The following ARHGAP26 variants were observed in gnomAD, a reference collection of about 807,000 sequenced individuals.
ARHGAP26 encodes rho GTPase-activating protein 26.
In ARHGAP26, 38 loss-of-function variants were observed where a neutral mutation model predicts 104.8. The ratio of observed to expected loss-of-function variants is 0.36; its 90% CI spans 0.28 to 0.48. ARHGAP26 has a LOEUF of 0.48. Ranked by LOEUF, ARHGAP26 falls within the 20% of genes least tolerant of loss-of-function variation. The pLI, the probability that ARHGAP26 is intolerant of heterozygous loss-of-function variation, is 0.99. For synonymous variants in ARHGAP26, 341 were observed against 340.0 expected, an observed-to-expected ratio of 1.00 and a Z score of -0.03; for missense variants, 704 against 947.9, an observed-to-expected ratio of 0.74 and a Z score of 3.38.
chr5:143,130,247 A>T (rs1223385921), intron 18 of ARHGAP26, among the ~76,000 whole-genome samples: 1 of 152,202 alleles, frequency 6.6e-6, no homozygotes, highest in Non-Finnish European at 1.5e-5. Context: ...GGAAGCTTGA[A>T]ATTGGGGATA....
At chr5:143,099,451 T>A (rs951536992) in intron 17 of ARHGAP26, among the ~76,000 whole-genome samples, 1 of 152,200 alleles carries the variant, frequency 6.6e-6, no homozygotes, top group African/African-American at 2.4e-5. Flanking sequence ...TAATCAGGGA[T>A]CCTTGACAGG....
intron 17 of ARHGAP26, among the ~76,000 whole-genome samples, chr5:143,062,102 A>G (rs943512514): frequency 1.3e-5 from 2 of 152,246 alleles, no homozygotes; most frequent in Non-Finnish European, 2.9e-5. Context: ...GGTAAATCAC[A>G]TTCAACAGAG....
In ARHGAP26 at chr5:143,086,749, G is replaced by C. The variant is rs113998075; in HGVS notation, c.1538+29002G>C. Among the ~76,000 whole-genome samples, 580 of 152,278 alleles carry C rather than the reference G, an allele frequency of 3.8e-3. 3 individuals are homozygous for C. The highest frequency in any genetic ancestry group is 0.013 in the African/African-American group (552 of 41,546). ...CTTTGGCTATAAATTTTCTTGTCCA[G>C]CCTAAGTCCACATCTTGAGTCTTCC... On this transcript the variant is annotated intron_variant, in intron 17 of 22. Coordinates refer to ENST00000645722, the MANE Select transcript of ARHGAP26 (RefSeq NM_001135608.3).
At position 142,837,177 on chromosome 5, in the gene ARHGAP26, G is replaced by A. The variant is rs116712763; in HGVS notation, c.155-36223G>A. Among the ~76,000 whole-genome samples, 35 of 152,282 alleles carry A rather than the reference G, an allele frequency of 2.3e-4. No individual in the cohort carries two copies. The South Asian group carries it at 3.1e-3, about 14-fold the overall frequency. On this transcript the variant is annotated intron_variant, in intron 1 of 22. Coordinates refer to ENST00000645722, the MANE Select transcript of ARHGAP26 (RefSeq NM_001135608.3). ...AAGTAATGAAGTTTGGAGGCAAGAAGGCCTGGGATTAGGTTCCTTTTAAGT... is the reference window on the plus strand; with the variant it reads ...AAGTAATGAAGTTTGGAGGCAAGAAAGCCTGGGATTAGGTTCCTTTTAAGT...
chr5:142,778,244 TA>T (rs1446095551), intron 1 of ARHGAP26, among the ~76,000 whole-genome samples: 1 of 152,190 alleles, frequency 6.6e-6, no homozygotes, highest in East Asian at 1.9e-4. Flanking sequence ...GGATTAGGTT[TA>T]GGGGTAAAAT....
At chr5:142,907,882 C>A (rs1761318912) in intron 9 of ARHGAP26, 78 bp downstream of exon 9, 2 of 888,784 alleles carry the variant, frequency 2.3e-6, no homozygotes, top group South Asian at 4.7e-5. Context: ...TAAAGTAACA[C>A]CTCCAGTGTT....
intron 20 of ARHGAP26, 72 bp downstream of exon 20, chr5:143,147,453 G>C: frequency 6.5e-7 from 1 of 1,527,416 alleles, no homozygotes; most frequent in East Asian, 2.3e-5. Context: ...TTGCTGTCTG[G>C]CTCCATCTGA....
intron 17 of ARHGAP26, chr5:143,103,335 C>T: frequency 1.6e-6 from 1 of 627,142 alleles, no homozygotes; most frequent in Non-Finnish European, 2.0e-6. Flanking sequence ...AACGATTTTA[C>T]ACTGTTGGTG....
intron 10 of ARHGAP26, among the ~76,000 whole-genome samples, chr5:142,914,044 G>C (rs926567864): frequency 6.6e-6 from 1 of 152,166 alleles, no homozygotes; most frequent in Non-Finnish European, 1.5e-5. Flanking sequence ...ATCTCAGCAT[G>C]ATACTCCGTA....
At position 142,947,095 on chromosome 5, in the gene ARHGAP26, T is replaced by TAAAAAAAAAAAAA. The variant is rs1162871899; in HGVS notation, c.1107+14982_1107+14994dup. On this transcript the variant is annotated intron_variant, in intron 11 of 22. Coordinates refer to ENST00000645722, the MANE Select transcript of ARHGAP26 (RefSeq NM_001135608.3). ...CTTTCTACCTCTTTATTTTTAAAAG[T>TAAAAAAAAAAAAA]AAAAAAAAAAAAAAAAAAAAAAAAG... The TAAAAAAAAAAAAA allele has an allele frequency of 1.4e-3, 102 of 70,580 alleles. 3 individuals are homozygous for TAAAAAAAAAAAAA. The highest frequency in any genetic ancestry group is 1.9e-3 in the East Asian group (4 of 2,134). 4.4% of individuals were successfully genotyped at this position (70,580 alleles called of 1,614,324 possible).
chr5:142,823,504 AC>A (rs1197715293), intron 1 of ARHGAP26, among the ~76,000 whole-genome samples: 2 of 151,824 alleles, frequency 1.3e-5, no homozygotes. Flanking sequence ...GGACTGTGTG[AC>A]GTTATACACC....
chr5:143,165,896 A>G (rs1429678766), intron 20 of ARHGAP26: 4 of 443,516 alleles, frequency 9.0e-6, no homozygotes, highest in African/African-American at 8.5e-5. Context: ...CAGTAGTAGT[A>G]TCTACCTCCT....
chr5:142,808,264 AAAAAAAAAAAAAT>A (rs1446311158), intron 1 of ARHGAP26, among the ~76,000 whole-genome samples: 41 of 146,832 alleles, frequency 2.8e-4, no homozygotes, highest in African/African-American at 9.7e-4. Flanking sequence ...AAAAAAAAAA[AAAAAAAAAAAAAT>A]GTTGTATTTT....
At chr5:143,121,422 A>G (rs569965227) in intron 18 of ARHGAP26, among the ~76,000 whole-genome samples, 1 of 152,350 alleles carries the variant, frequency 6.6e-6, no homozygotes, top group South Asian at 2.1e-4. Context: ...ACTGTGTTAA[A>G]TACTTTATAT....
At chr5:142,811,144 C>T (rs186886370) in intron 1 of ARHGAP26, among the ~76,000 whole-genome samples, 22 of 152,212 alleles carry the variant, frequency 1.4e-4, no homozygotes, top group Admixed American at 4.6e-4. Context: ...AATAGACCTA[C>T]CTCCTGGGGT....
intron 20 of ARHGAP26, chr5:143,170,268 G>T (rs775031659): frequency 2.0e-5 from 3 of 152,198 alleles, no homozygotes; most frequent in Non-Finnish European, 4.4e-5. Flanking sequence ...AAAAACAGTG[G>T]CTCAGCAGCT....
intron 18 of ARHGAP26, among the ~76,000 whole-genome samples, chr5:143,125,839 G>A (rs181771): frequency 0.22 from 33,261 of 152,070 alleles, 5,103 homozygotes; most frequent in African/African-American, 0.41. Flanking sequence ...CTATAAAATT[G>A]ATATTTTTAG....
At position 143,097,600 on chromosome 5, in the gene ARHGAP26, C is replaced by A. The variant is rs146532911; in HGVS notation, c.1539-23388C>A. On this transcript the variant is annotated intron_variant, in intron 17 of 22. Transcript: ENST00000645722. ...CTTTGGGAGGTCGAGGCGGGTGGAT[C>A]ATGAGGTCAAGAGATTGAGACCACC... Among the ~76,000 whole-genome samples the A allele has an allele frequency of 4.7e-3, 712 of 151,826 alleles. 18 individuals carry two copies. Among genetic ancestry groups the A allele is most frequent in the Admixed American group, 0.039 (592 of 15,254 alleles).
At chr5:142,900,805 T>TA (rs1384860439) in intron 6 of ARHGAP26, among the ~76,000 whole-genome samples, 13 of 152,162 alleles carry the variant, frequency 8.5e-5, no homozygotes, top group Non-Finnish European at 1.5e-4. Flanking sequence ...GACCACAATG[T>TA]AAAATAAAGC....
Sources: allele counts gnomAD v4.1 joint callset (sites outside exome capture counted in the v4.1 genomes callset), GRCh38; gene constraint gnomAD v4.1.1; transcripts MANE v1.5; gene names NCBI Gene and HGNC (gene_info 2026-07-23, HGNC 2026-07-21).